NDUFAF5: variants seen among roughly 807,000 people sequenced by gnomAD.
The protein encoded by NDUFAF5 is NADH:ubiquinone oxidoreductase complex assembly factor 5, also known as arginine-hydroxylase NDUFAF5, mitochondrial.
NDUFAF5 carries 34 observed loss-of-function variants against 48.9 expected under a neutral mutation model. The observed-to-expected ratio is 0.70, with a 90% CI of 0.53 to 0.93. The LOEUF is 0.93. Ranked by LOEUF, NDUFAF5 falls within the 40% of genes least tolerant of loss-of-function variation. NDUFAF5 has a pLI of 0.00. For synonymous variants in NDUFAF5, 153 were observed against 150.6 expected (o/e 1.02, Z -0.12); for missense variants, 428 against 427.5 (o/e 1.00, Z -0.01).
Position 13,816,471 on chromosome 20 carries a change from G to T in NDUFAF5, c.787G>T (p.Glu263Ter). 1 of 1,613,324 alleles carries T rather than the reference G, an allele frequency of 6.2e-7. No individual in the cohort carries two copies. The highest frequency in any genetic ancestry group is 8.5e-7 in the Non-Finnish European group (1 of 1,179,262). Residue 263 changes from glutamate (E) to a stop codon, truncating the protein, a stop_gained, in exon 9 of 11, where the codon GAG becomes TAG. Transcript: ENST00000378106. LOFTEE classifies it high-confidence loss of function. ...ELMEDLQGMG[E>*]SNCAWNRKAL... ...CTGTAGTGTATTTGTAGGTATGGGT[G>T]AGAGTAACTGTGCTTGGAATAGAAA...
In NDUFAF5 at chr20:13,818,093, A is replaced by G. The variant is rs1233290788; in HGVS notation, c.*883A>G. ...TCATCTTCAGCCTTCAGTGATCTAT[A>G]ATAGCATTTCCTTCTGTCTCCTCTC... is the stretch of plus-strand genomic sequence containing the variant. On this transcript the variant is annotated 3_prime_UTR_variant, in exon 11 of 11. Transcript: ENST00000378106. The G allele has an allele frequency of 4.4e-6, 2 of 454,064 alleles. No homozygotes were observed. Among genetic ancestry groups the G allele is most frequent in the South Asian group, 3.1e-5 (2 of 64,472 alleles). The allele number at this position is 454,064 out of a possible 1,614,324, so 28.1% of individuals were successfully genotyped here. A position where few individuals can be genotyped will look rare whatever the true frequency, so the allele number is the denominator to read the frequency against.
chr20:13,816,692 G>A, intron 9 of NDUFAF5, 146 bp downstream of exon 9: 1 of 786,186 alleles, frequency 1.3e-6, no homozygotes, highest in South Asian at 1.4e-5. Context: ...AGATCCTGTA[G>A]CTTTTTCCAG....
intron 8 of NDUFAF5, among the ~76,000 whole-genome samples, chr20:13,814,780 C>G (rs1986271332): frequency 6.6e-6 from 1 of 152,120 alleles, no homozygotes; most frequent in Non-Finnish European, 1.5e-5. Context: ...GATGGCAAAA[C>G]TGGAATTCGA....
In NDUFAF5 at chr20:13,787,360, G is replaced by T. The variant is rs200867652; in HGVS notation, c.263+8G>T. 1 of 1,613,528 alleles carries T rather than the reference G, an allele frequency of 6.2e-7. No homozygotes were observed. The highest frequency in any genetic ancestry group is 2.2e-5 in the East Asian group (1 of 44,874). On this transcript the variant is annotated splice_region_variant and intron_variant, in intron 2 of 10. Coordinates refer to ENST00000378106, the MANE Select transcript of NDUFAF5 (RefSeq NM_024120.5). ...TGTATATGACATACCCAGGTAAGTG[G>T]TGGTGATCATAATACAATACCATCA...
chr20:13,812,097 A>G (rs1210885460), intron 8 of NDUFAF5, among the ~76,000 whole-genome samples: 1 of 152,224 alleles, frequency 6.6e-6, no homozygotes, highest in Non-Finnish European at 1.5e-5. Context: ...TAGCTGCCAA[A>G]CTCATGCTTC....
chr20:13,799,059 A>G (rs1325982682), intron 6 of NDUFAF5, among the ~76,000 whole-genome samples: 5 of 152,180 alleles, frequency 3.3e-5, no homozygotes, highest in African/African-American at 1.2e-4. Flanking sequence ...AAGGCATTCT[A>G]AGAAGGCAGA....
chr20:13,794,665 G>A (rs2147514943), intron 4 of NDUFAF5, among the ~76,000 whole-genome samples, 173 bp from the exon 5 acceptor site: 2 of 152,316 alleles, frequency 1.3e-5, no homozygotes, highest in Middle Eastern at 3.4e-3. Flanking sequence ...TCTGGCTGAT[G>A]TTAAGTCATT....
intron 1 of NDUFAF5, among the ~76,000 whole-genome samples, chr20:13,785,966 C>G (rs551339328): frequency 6.6e-6 from 1 of 152,122 alleles, no homozygotes; most frequent in Admixed American, 6.5e-5. Context: ...CAGCACTGCT[C>G]TAGGGGAATG....
At position 13,808,859 on chromosome 20, in the gene NDUFAF5, A is replaced by G. The variant is rs1263524238; in HGVS notation, c.735A>G (p.Gln245=). Residue 245 remains glutamine (Q), a synonymous_variant, in exon 8 of 11, where the codon CAA becomes CAG. Transcript: ENST00000378106. ...TTAAATAGGACACTGATGAAATTCA[A>G]GTTAACTATCCTGGAATGTTTGAAT... ...NTLTVDTDEI[Q]VNYPGMFELM... is the part of the protein sequence containing the mutation. The G allele has an allele frequency of 1.9e-6, 3 of 1,586,520 alleles. No homozygotes were observed.
chr20:13,807,762 T>C (rs372779235), intron 7 of NDUFAF5, among the ~76,000 whole-genome samples: 1 of 151,066 alleles, frequency 6.6e-6, no homozygotes, highest in East Asian at 2.0e-4. Context: ...GCTAACACGG[T>C]GAAAGCCCGT....
rs766117550 is a variant in NDUFAF5, at chr20:13,821,243, T to C, written c.*4033T>C. On this transcript the variant is annotated 3_prime_UTR_variant, in exon 11 of 11. Coordinates refer to ENST00000378106, the MANE Select transcript of NDUFAF5 (RefSeq NM_024120.5). ...AGTTTAGTGATTCCCTTCCAACAAA[T>C]AGATGGTGTGTCACTTCTGAGACTA... The C allele has an allele frequency of 2.0e-5, 3 of 152,202 alleles. No individual in the cohort carries two copies. The highest frequency in any genetic ancestry group is 4.4e-5 in the Non-Finnish European group (3 of 68,048). 9.4% of individuals were successfully genotyped at this position (152,202 alleles called of 1,614,324 possible).
chr20:13,803,943 G>A lies in NDUFAF5; in HGVS notation c.717+2260G>A, dbSNP rs145063736. Among the ~76,000 whole-genome samples, 1,126 of 152,002 alleles carry A rather than the reference G, an allele frequency of 7.4e-3. 6 individuals are homozygous for A. The highest frequency in any genetic ancestry group is 0.022 in the South Asian group (104 of 4,812). Reference sequence around the variant, plus strand: ...TGGGATTACAGGCACGTGCCACCACGCCCCATTAATTTTTGTATTTTTAGT... The same window carrying A: ...TGGGATTACAGGCACGTGCCACCACACCCCATTAATTTTTGTATTTTTAGT... On this transcript the variant is annotated intron_variant, in intron 7 of 10. Coordinates refer to ENST00000378106, the MANE Select transcript of NDUFAF5 (RefSeq NM_024120.5).
At chr20:13,814,482 G>T (rs1337963520) in intron 8 of NDUFAF5, 1 of 1,289,000 alleles carries the variant, frequency 7.8e-7, no homozygotes, top group South Asian at 1.2e-5. Flanking sequence ...ATGAATGCAT[G>T]AGAAATTTTC....
intron 5 of NDUFAF5, among the ~76,000 whole-genome samples, chr20:13,795,295 G>T (rs943559064): frequency 6.6e-6 from 1 of 152,040 alleles, no homozygotes; most frequent in African/African-American, 2.4e-5. Flanking sequence ...AAATGTTAGA[G>T]CAATTCCAAA....
rs753539074 is a variant in NDUFAF5 at position 13,785,336 on chromosome 20, C to T, written c.222+46C>T. ...GGCGGCGGGGCGGGCGACGCGGAGGCTTGTTTTCCTCTCCGCTAGTTCCGG... is the reference window on the plus strand; with the variant it reads ...GGCGGCGGGGCGGGCGACGCGGAGGTTTGTTTTCCTCTCCGCTAGTTCCGG... On this transcript the variant is annotated intron_variant, in intron 1 of 10. Coordinates refer to ENST00000378106, the MANE Select transcript of NDUFAF5 (RefSeq NM_024120.5). 1.3e-5 allele frequency: 17 copies of T among 1,290,796 alleles called. No individual in the cohort carries two copies. The Admixed American group carries it at 2.7e-4, about 21-fold the overall frequency. The allele number at this position is 1,290,796 out of a possible 1,614,324, so 80.0% of individuals were successfully genotyped here. A position where few individuals can be genotyped will look rare whatever the true frequency, so the allele number is the denominator to read the frequency against.
chr20:13,806,094 C>T (rs941661458), intron 7 of NDUFAF5, among the ~76,000 whole-genome samples: 3 of 152,152 alleles, frequency 2.0e-5, no homozygotes, highest in Non-Finnish European at 4.4e-5. Context: ...AGATTAGTAT[C>T]ATATAGATGT....
At chr20:13,797,252 C>T (rs1345033059) in intron 5 of NDUFAF5, among the ~76,000 whole-genome samples, 1 of 152,144 alleles carries the variant, frequency 6.6e-6, no homozygotes, top group Admixed American at 6.5e-5. Flanking sequence ...GGTGTTTACC[C>T]AAAGGAGATG....
chr20:13,801,542 C>T lies in NDUFAF5; in HGVS notation c.576C>T (p.Asp192=). 6.2e-7 allele frequency: 1 copy of T among 1,613,934 alleles called. No homozygotes were observed. The highest frequency in any genetic ancestry group is 8.5e-7 in the Non-Finnish European group (1 of 1,179,902). ...TTATCGGTGCAATGTTTGGAGGCGA[C>T]ACACTCTATGAACTTCGGTGTTCCT... ...GVFIGAMFGG[D]TLYELRCSLQ... Residue 192 remains aspartate, a synonymous_variant, in exon 7 of 11, where the codon GAC becomes GAT. Coordinates refer to ENST00000378106, the MANE Select transcript of NDUFAF5 (RefSeq NM_024120.5).
chr20:13,791,924 C>G (rs193056121), intron 3 of NDUFAF5, among the ~76,000 whole-genome samples: 2 of 152,314 alleles, frequency 1.3e-5, no homozygotes, highest in East Asian at 3.9e-4. Flanking sequence ...CAATTGTTAG[C>G]ATCTCTTCCC....
Sources: allele counts gnomAD v4.1 joint callset (sites outside exome capture counted in the v4.1 genomes callset), GRCh38; gene constraint gnomAD v4.1.1; transcripts MANE v1.5; gene names NCBI Gene and HGNC (gene_info 2026-07-23, HGNC 2026-07-21).